The following RPGR variants were observed in gnomAD, a reference collection of about 807,000 sequenced individuals.
RPGR encodes the protein X-linked retinitis pigmentosa GTPase regulator.
Under a neutral mutation model 56.3 loss-of-function variants are expected in RPGR, and 10 were observed. The ratio of observed to expected loss-of-function variants is 0.18; its 90% CI spans 0.11 to 0.30. The LOEUF (loss-of-function observed/expected upper bound fraction) is 0.30, where lower values mean the gene tolerates loss of function less well. RPGR is among the 10% of genes least tolerant of loss of function. The pLI, the probability that RPGR is intolerant of heterozygous loss-of-function variation, is 1.00. For synonymous variants in RPGR, 197 were observed against 212.9 expected (o/e 0.93, Z 0.65); for missense variants, 538 against 590.9 (o/e 0.91, Z 0.93).
chrX:38,275,656 TA>T (rs35950829), intron 16 of RPGR, among the ~76,000 whole-genome samples: 3 of 111,953 alleles, frequency 2.7e-5, no homozygotes, highest in Non-Finnish European at 5.6e-5. Context: ...ATTTGTAAAT[TA>T]AAAATGTATG....
intron 8 of RPGR, among the ~76,000 whole-genome samples, chrX:38,304,395 T>C (rs2067557341): frequency 8.9e-6 from 1 of 112,238 alleles, no homozygotes; most frequent in South Asian, 3.7e-4. Context: ...TGGTCTAACT[T>C]CTGACATCAT....
At position 38,287,348 on chromosome X, in the gene RPGR, G is replaced by A. The variant is rs41303691; in HGVS notation, c.1754-103C>T. ...TGTTCAATCAATTTCCTGCCATACCGTATGTTTTGGTCAGTTTCCACTTCA... is the reference window on the plus strand; with the variant it reads ...TGTTCAATCAATTTCCTGCCATACCATATGTTTTGGTCAGTTTCCACTTCA... On this transcript the variant is annotated intron_variant, in intron 14 of 18. Transcript: ENST00000642395. 0.068 allele frequency: 77,434 copies of A among 1,141,203 alleles called. 2,620 individuals carry two copies. Among genetic ancestry groups the A allele is most frequent in the Admixed American group, 0.2 (9,054 of 45,502 alleles). 94.0% of individuals were successfully genotyped at this position (1,141,203 alleles called of 1,213,427 possible). A position where few individuals can be genotyped will look rare whatever the true frequency, so the allele number is the denominator to read the frequency against.
At position 38,269,449 on chromosome X, in the gene RPGR, T is replaced by C. The variant is rs967457270; in HGVS notation, c.*177A>G. 7.5e-6 allele frequency: 3 copies of C among 399,561 alleles called. No individual in the cohort carries two copies. In the Admixed American group the frequency reaches 1.3e-4, roughly 18 times the overall value. 32.9% of individuals were successfully genotyped at this position (399,561 alleles called of 1,213,427 possible). ...GATACACATATTTTGAAATGACTTG[T>C]TAAAAATATTAGCATAAATAAATAT... is the stretch of plus-strand genomic sequence containing the variant. On this transcript the variant is annotated 3_prime_UTR_variant, in exon 19 of 19. Coordinates refer to ENST00000642395, the MANE Select transcript of RPGR (RefSeq NM_000328.3).
At chrX:38,290,422 A>C (rs1262146793) in intron 13 of RPGR, among the ~76,000 whole-genome samples, 1 of 111,929 alleles carries the variant, frequency 8.9e-6, no homozygotes, top group African/African-American at 3.2e-5. Flanking sequence ...CTACCCATGA[A>C]CAGTCTCTAA....
At chrX:38,324,712 C>T (rs765189867) in intron 1 of RPGR, among the ~76,000 whole-genome samples, 43 of 105,843 alleles carry the variant, frequency 4.1e-4, no homozygotes, top group African/African-American at 1.5e-3. Context: ...CTCTGAACTA[C>T]GTGATCTGTA....
At position 38,269,667 on chromosome X, in the gene RPGR, T is replaced by C. The variant is rs1398426011; in HGVS notation, c.2407A>G (p.Thr803Ala). 2 of 1,208,897 alleles carry C rather than the reference T, an allele frequency of 1.7e-6. No homozygotes were observed. Among genetic ancestry groups the C allele is most frequent in the Non-Finnish European group, 2.2e-6 (2 of 892,862 alleles). ...GATTTTGATCTTCTCTCTGTATTTG[T>C]TGGTGGGATATTCTGATGATTCTGA... The change falls in exon 19 of 19, where the codon ACA becomes GCA. Residue 803 changes from threonine (T) to alanine (A), a missense_variant. Physicochemically the swap from Thr to Ala is moderately conservative, Grantham distance 58. Coordinates refer to ENST00000642395, the MANE Select transcript of RPGR (RefSeq NM_000328.3).
intron 15 of RPGR, among the ~76,000 whole-genome samples, chrX:38,279,428 A>G (rs1442865821): frequency 9.0e-6 from 1 of 110,928 alleles, no homozygotes; most frequent in Non-Finnish European, 1.9e-5. Flanking sequence ...GGCCCAAGGC[A>G]ACACTTTTCA....
chrX:38,317,533 T>C lies in RPGR; in HGVS notation c.470-68A>G, dbSNP rs2067849208. 8 of 931,536 alleles carry C rather than the reference T, an allele frequency of 8.6e-6. No homozygotes were observed. The South Asian group carries it at 1.8e-4, about 21-fold the overall frequency. 76.8% of individuals were successfully genotyped at this position (931,536 alleles called of 1,213,427 possible). A position where few individuals can be genotyped will look rare whatever the true frequency, so the allele number is the denominator to read the frequency against. ...AGCCAGGCTCTGAAGCTATTATACTTCCAAAAGACCATTTATTTTATTAGT... is the reference window on the plus strand; with the variant it reads ...AGCCAGGCTCTGAAGCTATTATACTCCCAAAAGACCATTTATTTTATTAGT... On this transcript the variant is annotated intron_variant, in intron 5 of 18. Coordinates refer to ENST00000642395, the MANE Select transcript of RPGR (RefSeq NM_000328.3).
chrX:38,311,677 A>C (rs1413305659), intron 6 of RPGR, among the ~76,000 whole-genome samples: 1 of 111,617 alleles, frequency 9.0e-6, no homozygotes. Context: ...ATGCCAGATT[A>C]GGTTTGTCAG....
At chrX:38,311,056 C>A (rs1261522375) in intron 6 of RPGR, among the ~76,000 whole-genome samples, 1 of 112,529 alleles carries the variant, frequency 8.9e-6, no homozygotes, top group Non-Finnish European at 1.9e-5. Flanking sequence ...CTTTTACTTA[C>A]TTAAAGCTCC....
chrX:38,306,438 A>G (rs781416733), intron 7 of RPGR, among the ~76,000 whole-genome samples: 68 of 112,681 alleles, frequency 6.0e-4, no homozygotes, highest in African/African-American at 2.1e-3. Context: ...AAATGAAAAC[A>G]TAACTGTCTA....
At chrX:38,324,526 G>GA (rs916990459) in intron 1 of RPGR, among the ~76,000 whole-genome samples, 5 of 109,190 alleles carry the variant, frequency 4.6e-5, no homozygotes, top group South Asian at 4.0e-4. Flanking sequence ...AAAGCAGCTA[G>GA]AAAAAAAACC....
chrX:38,309,823 C>G (rs2067678128), intron 7 of RPGR, among the ~76,000 whole-genome samples: 1 of 109,276 alleles, frequency 9.2e-6, no homozygotes, highest in Admixed American at 9.7e-5. Context: ...AGCGAAACTC[C>G]GTCTCAAAAA....
chrX:38,287,942 C>T lies in RPGR; in HGVS notation c.1672G>A (p.Ala558Thr). The T allele has an allele frequency of 8.3e-7, 1 of 1,209,918 alleles. No homozygotes were observed. The highest frequency in any genetic ancestry group is 3.0e-5 in the East Asian group (1 of 33,842). Residue 558 changes from alanine (A) to threonine (T), a missense_variant, in exon 14 of 19, where the codon GCA (alanine) becomes ACA (threonine). This residue lies in a region of RPGR where 357 missense variants were observed against 325.8 expected (regional missense o/e 1.10). Coordinates refer to ENST00000642395, the MANE Select transcript of RPGR (RefSeq NM_000328.3). ...CCTTGTGACACATGTTGTTTACATG[C>T]TTTCCCTTCTTTCATTTCTGACATT...
At position 38,318,846 on chromosome X, in the gene RPGR, G is replaced by A. The variant is rs1060501180; in HGVS notation, c.452C>T (p.Thr151Ile). The change falls in exon 5 of 19, where the codon ACT becomes ATT. Residue 151 changes from threonine (T) to isoleucine (I), a missense_variant. Physicochemically the swap from Thr to Ile is moderately conservative, Grantham distance 89 (BLOSUM62 -1). Around this residue, in one of 2 missense-constraint regions of RPGR, gnomAD observed 181 missense variants for 265.1 expected, o/e 0.68. Transcript: ENST00000642395. ...AGTCTCACCAGTTAGGGCAGCTGAA[G>A]TATTAGATCCAGCAGACAGCTGCTT... is the stretch of plus-strand genomic sequence containing the variant. 3 of 1,211,718 alleles carry A rather than the reference G, an allele frequency of 2.5e-6. No homozygotes were observed. The highest frequency in any genetic ancestry group is 3.4e-6 in the Non-Finnish European group (3 of 895,329).
Position 38,289,525 on chromosome X carries a change from G to A in RPGR, c.1572+1434C>T, listed in dbSNP as rs1040664448. Among the ~76,000 whole-genome samples, 10 of 112,158 alleles carry A rather than the reference G, an allele frequency of 8.9e-5. No individual in the cohort carries two copies. In the East Asian group the frequency reaches 2.2e-3, roughly 25 times the overall value. ...GGATGCAAATATCTAATGAATTTGGGTCTCTGGATAGTAAAACCTCACTAA... is the reference window on the plus strand; with the variant it reads ...GGATGCAAATATCTAATGAATTTGGATCTCTGGATAGTAAAACCTCACTAA... On this transcript the variant is annotated intron_variant, in intron 13 of 18. Coordinates refer to ENST00000642395, the MANE Select transcript of RPGR (RefSeq NM_000328.3).
chrX:38,320,447 T>C (rs1256876257), intron 4 of RPGR, among the ~76,000 whole-genome samples: 3 of 112,626 alleles, frequency 2.7e-5, no homozygotes, highest in Non-Finnish European at 3.8e-5. Context: ...ATGGGTCTAA[T>C]TGTAGACTCT....
intron 6 of RPGR, among the ~76,000 whole-genome samples, chrX:38,312,856 T>A (rs773602129): frequency 9.1e-6 from 1 of 110,276 alleles, no homozygotes; most frequent in Admixed American, 9.7e-5. Context: ...GGTGGGAGGA[T>A]CACTTGAGCC....
At chrX:38,290,561 A>G (rs2067260987) in intron 13 of RPGR, among the ~76,000 whole-genome samples, 1 of 112,343 alleles carries the variant, frequency 8.9e-6, no homozygotes, top group South Asian at 3.6e-4. Flanking sequence ...AAAGATATTA[A>G]TATCATTCAG....
Sources: allele counts gnomAD v4.1 joint callset (sites outside exome capture counted in the v4.1 genomes callset), GRCh38; gene constraint gnomAD v4.1.1; regional missense constraint gnomAD v4.1.1; transcripts MANE v1.5; gene names NCBI Gene and HGNC (gene_info 2026-07-23, HGNC 2026-07-21).